BPNT2: variants seen among roughly 807,000 people sequenced by gnomAD.
The protein encoded by BPNT2 is Golgi-resident adenosine 3',5'-bisphosphate 3'-phosphatase.
In BPNT2, 11 loss-of-function variants were observed where a neutral mutation model predicts 29.3. The observed-to-expected ratio is 0.38, with a 90% CI of 0.24 to 0.62. BPNT2 has a LOEUF of 0.62. Ranked by LOEUF, BPNT2 falls within the 20% of genes least tolerant of loss-of-function variation. The probability of loss-of-function intolerance (pLI) is 0.62; values close to 1 mark genes in which losing one functional copy is unlikely to be tolerated. For synonymous variants in BPNT2, 195 were observed against 187.7 expected (o/e 1.04, Z -0.32); for missense variants, 459 against 473.4 (o/e 0.97, Z 0.28).
chr8:56,979,233 A>C (rs1806199601), intron 2 of BPNT2, among the ~76,000 whole-genome samples: 1 of 152,108 alleles, frequency 6.6e-6, no homozygotes, highest in Non-Finnish European at 1.5e-5. Flanking sequence ...ATAACTAAGC[A>C]CTCATCTTTA....
intron 1 of BPNT2, among the ~76,000 whole-genome samples, chr8:56,985,201 A>G (rs1411038144): frequency 6.6e-6 from 1 of 152,100 alleles, no homozygotes; most frequent in Non-Finnish European, 1.5e-5. Flanking sequence ...CTGTGGGTGC[A>G]AGGACACAAA....
At chr8:56,976,117 C>G (rs758508480) in intron 3 of BPNT2, among the ~76,000 whole-genome samples, 1 of 152,156 alleles carries the variant, frequency 6.6e-6, no homozygotes, top group Non-Finnish European at 1.5e-5. Context: ...GCATGTTTGA[C>G]TTCACAAGTC....
chr8:56,962,545 G>C lies in BPNT2; in HGVS notation c.*1248C>G, dbSNP rs901460502. 17 of 152,096 alleles carry C rather than the reference G, an allele frequency of 1.1e-4. No homozygotes were observed. Among genetic ancestry groups the C allele is most frequent in the Admixed American group, 9.2e-4 (14 of 15,262 alleles). 9.4% of individuals were successfully genotyped at this position (152,096 alleles called of 1,614,324 possible). A position where few individuals can be genotyped will look rare whatever the true frequency, so the allele number is the denominator to read the frequency against. On this transcript the variant is annotated 3_prime_UTR_variant, in exon 5 of 5. Coordinates refer to ENST00000262644, the MANE Select transcript of BPNT2 (RefSeq NM_017813.5). ...AGAGAAACCATACATCCCAATGAAA[G>C]ACAGTTCACAAAGCAAGGTTCTAGT...
At chr8:56,965,608 T>C (rs1805931410) in intron 4 of BPNT2, among the ~76,000 whole-genome samples, 1 of 152,170 alleles carries the variant, frequency 6.6e-6, no homozygotes, top group Non-Finnish European at 1.5e-5. Flanking sequence ...ACAGAGACTG[T>C]ATATATATGG....
chr8:56,981,547 G>C (rs1374602014), intron 1 of BPNT2, among the ~76,000 whole-genome samples: 3 of 151,992 alleles, frequency 2.0e-5, no homozygotes, highest in African/African-American at 7.2e-5. Flanking sequence ...CCTGGCGACA[G>C]AGCAAGACTC....
At chr8:56,987,521 C>T (rs925850589) in intron 1 of BPNT2, among the ~76,000 whole-genome samples, 2 of 152,108 alleles carry the variant, frequency 1.3e-5, no homozygotes, top group African/African-American at 2.4e-5. Flanking sequence ...AGACTACCAC[C>T]ACCAGCTCTC....
chr8:56,979,162 T>G (rs1806198318), intron 2 of BPNT2, among the ~76,000 whole-genome samples: 1 of 152,222 alleles, frequency 6.6e-6, no homozygotes. Context: ...ACCATTTTGT[T>G]AACTGAATGT....
At chr8:56,986,420 G>GT (rs1271990560) in intron 1 of BPNT2, among the ~76,000 whole-genome samples, 2 of 152,168 alleles carry the variant, frequency 1.3e-5, no homozygotes, top group Non-Finnish European at 2.9e-5. Context: ...GGAGTGTTCC[G>GT]TAATTGTGAG....
chr8:56,966,972 T>C (rs1208653668), intron 3 of BPNT2: 2 of 348,892 alleles, frequency 5.7e-6, no homozygotes, highest in Non-Finnish European at 1.1e-5. Flanking sequence ...TCAGAGAGTA[T>C]TAAAGAAAAA....
At chr8:56,981,458 G>A (rs990938684) in intron 1 of BPNT2, among the ~76,000 whole-genome samples, 1 of 152,016 alleles carries the variant, frequency 6.6e-6, no homozygotes, top group Admixed American at 6.5e-5. Context: ...CCAACCACTC[G>A]GGAGGCTGAG....
At chr8:56,988,472 A>G (rs1806361177) in intron 1 of BPNT2, among the ~76,000 whole-genome samples, 1 of 152,254 alleles carries the variant, frequency 6.6e-6, no homozygotes, top group Non-Finnish European at 1.5e-5. Flanking sequence ...ACTGAAAGAG[A>G]AAAGGTAAAA....
intron 1 of BPNT2, among the ~76,000 whole-genome samples, chr8:56,985,297 C>T (rs1370840278): frequency 1.3e-5 from 2 of 152,074 alleles, no homozygotes; most frequent in Non-Finnish European, 2.9e-5. Context: ...ATATTATTCT[C>T]AGCCACTGTA....
intron 1 of BPNT2, among the ~76,000 whole-genome samples, chr8:56,980,837 C>CACACACAT (rs1184262009): frequency 6.6e-6 from 1 of 150,704 alleles, no homozygotes; most frequent in Non-Finnish European, 1.5e-5. Context: ...CACACACACA[C>CACACACAT]ACACACACAC....
At chr8:56,990,266 G>A (rs1035227922) in intron 1 of BPNT2, among the ~76,000 whole-genome samples, 2 of 152,182 alleles carry the variant, frequency 1.3e-5, no homozygotes, top group Non-Finnish European at 2.9e-5. Flanking sequence ...CCCTCAAACA[G>A]ACAGTCCCCT....
chr8:56,984,642 G>C (rs1192402936), intron 1 of BPNT2, among the ~76,000 whole-genome samples: 1 of 152,102 alleles, frequency 6.6e-6, no homozygotes, highest in Admixed American at 6.5e-5. Context: ...AAACTGCTTT[G>C]GACATTGGGA....
At chr8:56,978,441 T>C (rs1157308399) in intron 2 of BPNT2, among the ~76,000 whole-genome samples, 2 of 152,110 alleles carry the variant, frequency 1.3e-5, no homozygotes, top group Non-Finnish European at 2.9e-5. Context: ...TTATACACTG[T>C]TGGTGGGAGT....
chr8:56,964,176 G>C (rs941803139), intron 4 of BPNT2, 112 bp from the exon 5 acceptor site: 10 of 732,306 alleles, frequency 1.4e-5, no homozygotes, highest in African/African-American at 1.1e-4. Context: ...GCAGGAGCTT[G>C]CTGCAGTCTC....
chr8:56,975,976 C>T (rs933250493), intron 3 of BPNT2, among the ~76,000 whole-genome samples: 5 of 152,184 alleles, frequency 3.3e-5, no homozygotes, highest in Non-Finnish European at 7.4e-5. Flanking sequence ...CCAACATCCA[C>T]TTTCCCTGTT....
At chr8:56,977,612 G>A (rs1806162751) in intron 3 of BPNT2, among the ~76,000 whole-genome samples, 1 of 151,042 alleles carries the variant, frequency 6.6e-6, no homozygotes, top group African/African-American at 2.5e-5. Flanking sequence ...TTAGAAATAG[G>A]GTCATGGCAG....
Sources: gnomAD v4.1 joint callset for allele counts (sites outside exome capture counted in the v4.1 genomes callset) on GRCh38, gnomAD v4.1.1 for gene constraint, MANE v1.5 for transcripts, NCBI Gene and HGNC (gene_info 2026-07-23, HGNC 2026-07-21) for gene names.